The following IGFALS variants were observed in gnomAD, a reference collection of about 807,000 sequenced individuals.
The protein encoded by IGFALS is insulin-like growth factor-binding protein complex acid labile subunit.
In IGFALS, 2 loss-of-function variants were observed where a neutral mutation model predicts 2.6. The observed-to-expected ratio is 0.77, with a 90% CI of 0.32 to 2.44. The LOEUF is 2.44. Ranked by LOEUF, IGFALS falls within the 30% of genes most tolerant of loss-of-function variation. The pLI, the probability that IGFALS is intolerant of heterozygous loss-of-function variation, is 0.11. For missense variants in IGFALS, 996 were observed against 848.7 expected, an observed-to-expected ratio of 1.17 and a Z score of -2.16; for synonymous variants, 519 against 431.9, an observed-to-expected ratio of 1.20 and a Z score of -2.50.
chr16:1,791,828 C>T lies in IGFALS; in HGVS notation c.590G>A (p.Arg197His), dbSNP rs1230305405. ...CCTGTTGCCCGCCAGCACCAGCTCGCGCAGGCTGCCCAGGCCGCGGAACGC... is the reference window on the plus strand; with the variant it reads ...CCTGTTGCCCGCCAGCACCAGCTCGTGCAGGCTGCCCAGGCCGCGGAACGC... ...DAAFRGLGSL[R>H]ELVLAGNRLA... is the part of the protein sequence containing the mutation. Residue 197 changes from arginine to histidine, a missense_variant, in exon 2 of 2, where the codon CGC (arginine) becomes CAC (histidine). Arg to His is a conservative substitution (Grantham distance 29, BLOSUM62 0). Transcript: ENST00000215539. The T allele has an allele frequency of 6.5e-6, 10 of 1,549,630 alleles. No homozygotes were observed. The highest frequency in any genetic ancestry group is 2.4e-5 in the South Asian group (2 of 84,640).
In IGFALS at chr16:1,791,160, T is replaced by C; in HGVS notation, c.1258A>G (p.Asn420Asp). Residue 420 changes from asparagine (N) to aspartate (D), a missense_variant, in exon 2 of 2, where the codon AAC (asparagine) becomes GAC (aspartate). Asn to Asp is a conservative substitution (Grantham distance 23, BLOSUM62 1). Coordinates refer to ENST00000215539, the MANE Select transcript of IGFALS (RefSeq NM_004970.3). Reference sequence around the variant, plus strand: ...TGCTCCTCAATGCCCACGAGGCCGTTGTCCTTGAGGAAGAGTCGGCGGAGC... The same window carrying C: ...TGCTCCTCAATGCCCACGAGGCCGTCGTCCTTGAGGAAGAGTCGGCGGAGC... ...SGLRRLFLKDNGLVGIEEQSL... is the reference protein window; with the variant it reads ...SGLRRLFLKDDGLVGIEEQSL... 1.2e-6 allele frequency: 2 copies of C among 1,606,912 alleles called. No individual in the cohort carries two copies. Among genetic ancestry groups the C allele is most frequent in the Non-Finnish European group, 1.7e-6 (2 of 1,179,858 alleles).
upstream of IGFALS, among the ~76,000 whole-genome samples, chr16:1,794,401 G>A (rs1020709686): frequency 5.6e-4 from 85 of 152,140 alleles, 1 homozygote; most frequent in Admixed American, 2.0e-4. Context: ...GGGTGGCCTG[G>A]CCATGGGAGC....
chr16:1,792,277 G>A lies in IGFALS; in HGVS notation c.141C>T (p.Cys47=), dbSNP rs868694020. Residue 47 remains cysteine, a synonymous_variant, in exon 2 of 2, where the codon TGC becomes TGT. Coordinates refer to ENST00000215539, the MANE Select transcript of IGFALS (RefSeq NM_004970.3). ...EGPACPAACV[C]SYDDDADELS... Reference sequence around the variant, plus strand: ...GCTCATCCGCGTCGTCATCGTAGCTGCAGACACAGGCGGCCGGGCACGCTG... The same window carrying A: ...GCTCATCCGCGTCGTCATCGTAGCTACAGACACAGGCGGCCGGGCACGCTG... 6.2e-7 allele frequency: 1 copy of A among 1,600,234 alleles called. No individual in the cohort carries two copies. Among genetic ancestry groups the A allele is most frequent in the Non-Finnish European group, 8.5e-7 (1 of 1,179,582 alleles).
Position 1,793,664 on chromosome 16 carries a change from G to A in IGFALS, c.-12C>T, listed in dbSNP as rs1026935060. The A allele has an allele frequency of 1.3e-6, 2 of 1,593,360 alleles. No homozygotes were observed. Among genetic ancestry groups the A allele is most frequent in the East Asian group, 2.3e-5 (1 of 44,072 alleles). On this transcript the variant is annotated 5_prime_UTR_variant, in exon 1 of 2. Coordinates refer to ENST00000215539, the MANE Select transcript of IGFALS (RefSeq NM_004970.3). ...TTCCTCAGGGCCATCCTGCATGCAGGGCAGGCTGCAGGCAGGCAGCGAGGG... is the reference window on the plus strand; with the variant it reads ...TTCCTCAGGGCCATCCTGCATGCAGAGCAGGCTGCAGGCAGGCAGCGAGGG...
chr16:1,791,072 A>C lies in IGFALS; in HGVS notation c.1346T>G (p.Leu449Arg), dbSNP rs755495272. 4 of 1,598,934 alleles carry C rather than the reference A, an allele frequency of 2.5e-6. No individual in the cohort carries two copies. In the East Asian group the frequency reaches 8.9e-5, roughly 36 times the overall value. ...LDLTSNQLTH[L>R]PHRLFQGLGK... is the part of the protein sequence containing the mutation. ...CAGGCCCTGGAAGAGGCGGTGGGGC[A>C]GGTGCGTGAGCTGGTTGGAGGTCAG... Residue 449 changes from leucine to arginine, a missense_variant, in exon 2 of 2, where the codon CTG (leucine) becomes CGG (arginine). Physicochemically the swap from Leu to Arg is moderately radical, Grantham distance 102 (BLOSUM62 -2). Transcript: ENST00000215539.
In IGFALS at chr16:1,791,251, G is replaced by A; in HGVS notation, c.1167C>T (p.His389=). ...GGCAGCTGCCCTCCAGGTGCAGGCT[G>A]TGCAGCTTGCCCAGGCCCCGGAACA... is the stretch of plus-strand genomic sequence containing the variant. ...EQVFRGLGKL[H]SLHLEGSCLG... is the part of the protein sequence containing the mutation. The change falls in exon 2 of 2, where the codon CAC becomes CAT. Residue 389 remains histidine, a synonymous_variant. Coordinates refer to ENST00000215539, the MANE Select transcript of IGFALS (RefSeq NM_004970.3). 1.2e-6 allele frequency: 2 copies of A among 1,608,726 alleles called. No homozygotes were observed. Among genetic ancestry groups the A allele is most frequent in the East Asian group, 2.2e-5 (1 of 44,858 alleles).
At position 1,791,151 on chromosome 16, in the gene IGFALS, C is replaced by T. The variant is rs200564045; in HGVS notation, c.1267G>A (p.Val423Met). 1.7e-5 allele frequency: 27 copies of T among 1,606,290 alleles called. No homozygotes were observed. In the African/African-American group the frequency reaches 1.7e-4, roughly 10 times the overall value. ...RRLFLKDNGL[V>M]GIEEQSLWGL... ...CACAGGCTCTGCTCCTCAATGCCCA[C>T]GAGGCCGTTGTCCTTGAGGAAGAGT... The change falls in exon 2 of 2, where the codon GTG becomes ATG. Residue 423 changes from valine (V) to methionine (M), a missense_variant. Transcript: ENST00000215539.
upstream of IGFALS, chr16:1,793,738 T>C (rs373594518): frequency 7.2e-7 from 1 of 1,388,226 alleles, no homozygotes; most frequent in Non-Finnish European, 9.9e-7. Flanking sequence ...ATTTCCCCAC[T>C]GCGGGGCAGC....
chr16:1,790,490 G>A lies in IGFALS; in HGVS notation c.*110C>T, dbSNP rs576522908. The A allele has an allele frequency of 2.9e-5, 28 of 954,980 alleles. No homozygotes were observed. The highest frequency in any genetic ancestry group is 1.0e-4 in the Admixed American group (5 of 50,218). The allele number at this position is 954,980 out of a possible 1,614,324, so 59.2% of individuals were successfully genotyped here. ...GCCTTCCACCCCATCAGGCCCTTGC[G>A]TCTTCCAGCAAGTGCACTGGGCAGG... On this transcript the variant is annotated 3_prime_UTR_variant, in exon 2 of 2. Transcript: ENST00000215539.
At chr16:1,792,582 A>G (rs1311170460) in intron 1 of IGFALS, 181 bp from the exon 2 acceptor site, 5 of 1,205,670 alleles carry the variant, frequency 4.1e-6, no homozygotes, top group Admixed American at 2.9e-5. Flanking sequence ...TGCGCTTCCC[A>G]CCCCATGGGA....
Position 1,790,847 on chromosome 16 carries a change from T to C in IGFALS, c.1571A>G (p.Gln524Arg). Residue 524 changes from glutamine to arginine, a missense_variant, in exon 2 of 2, where the codon CAG becomes CGG. Physicochemically the swap from Gln to Arg is conservative, Grantham distance 43. Coordinates refer to ENST00000215539, the MANE Select transcript of IGFALS (RefSeq NM_004970.3). ...RNNSLRTFTP[Q>R]PPGLERLWLE... ...CCACAGGCGCTCCAGGCCCGGGGGC[T>C]GCGGCGTGAAGGTCCGCAGTGAGTT... The C allele has an allele frequency of 2.6e-6, 4 of 1,566,776 alleles. No individual in the cohort carries two copies. The highest frequency in any genetic ancestry group is 3.5e-6 in the Non-Finnish European group (4 of 1,156,868).
chr16:1,790,747 A>G lies in IGFALS; in HGVS notation c.1671T>C (p.Ala557=), dbSNP rs1193740481. ...AGATGGCCTGGACGAAGCGGGGCACAGCACTGGGGTTCTGCAGGGCGAAGT... is the reference window on the plus strand; with the variant it reads ...AGATGGCCTGGACGAAGCGGGGCACGGCACTGGGGTTCTGCAGGGCGAAGT... ...LRDFALQNPS[A]VPRFVQAICE... Residue 557 remains alanine, a synonymous_variant, in exon 2 of 2, where the codon GCT becomes GCC. Transcript: ENST00000215539. 7 of 1,603,482 alleles carry G rather than the reference A, an allele frequency of 4.4e-6. No individual in the cohort carries two copies. The highest frequency in any genetic ancestry group is 6.0e-6 in the Non-Finnish European group (7 of 1,176,046).
rs1897239690 is a variant in IGFALS, at chr16:1,792,006, C to T, written c.412G>A (p.Ala138Thr). Reference sequence around the variant, plus strand: ...GGCGTGTGTGCAAACGTGCCGAGTGCCAGGCTGCGCAGCTGGTTCCGCTCC... The same window carrying T: ...GGCGTGTGTGCAAACGTGCCGAGTGTCAGGCTGCGCAGCTGGTTCCGCTCC... ...HLERNQLRSLALGTFAHTPAL... is the reference protein window; with the variant it reads ...HLERNQLRSLTLGTFAHTPAL... Residue 138 changes from alanine to threonine, a missense_variant, in exon 2 of 2, where the codon GCA (alanine) becomes ACA (threonine). Transcript: ENST00000215539. 6.2e-7 allele frequency: 1 copy of T among 1,608,778 alleles called. No homozygotes were observed.
chr16:1,790,713 C>A lies in IGFALS; in HGVS notation c.1705G>T (p.Asp569Tyr). ...PRFVQAICEG[D>Y]DCQPPAYTYN... is the part of the protein sequence containing the mutation. The stretch of plus-strand genomic sequence containing the variant: ...GTGTACGCGGGCGGCTGGCAATCGT[C>A]CCCCTCACAGATGGCCTGGACGAAG... Residue 569 changes from aspartate (D) to tyrosine (Y), a missense_variant, in exon 2 of 2, where the codon GAC becomes TAC. Transcript: ENST00000215539. 1 of 1,608,776 alleles carries A rather than the reference C, an allele frequency of 6.2e-7. No individual in the cohort carries two copies. The highest frequency in any genetic ancestry group is 8.5e-7 in the Non-Finnish European group (1 of 1,178,342).
Position 1,791,756 on chromosome 16 carries a change from C to A in IGFALS, c.662G>T (p.Arg221Leu). The A allele has an allele frequency of 6.5e-7, 1 of 1,550,110 alleles. No homozygotes were observed. ...PALFSGLAELRELDLSRNALR... is the reference protein window; with the variant it reads ...PALFSGLAELLELDLSRNALR... ...CGCGTTCCTGCTCAGGTCCAGCTCC[C>A]GGAGCTCGGCCAGGCCGCTGAAGAG... Residue 221 changes from arginine (R) to leucine (L), a missense_variant, in exon 2 of 2, where the codon CGG (arginine) becomes CTG (leucine). Coordinates refer to ENST00000215539, the MANE Select transcript of IGFALS (RefSeq NM_004970.3).
intron 1 of IGFALS, 26 bp downstream of exon 1, chr16:1,793,611 G>T: frequency 6.3e-7 from 1 of 1,591,146 alleles, no homozygotes. Context: ...CCCTAGAGTG[G>T]GTGGCGGGGC....
chr16:1,792,644 C>T (rs1245066777), intron 1 of IGFALS: 1 of 627,636 alleles, frequency 1.6e-6, no homozygotes, highest in Non-Finnish European at 2.4e-6. Flanking sequence ...GCTTGGCTCT[C>T]CAGCTGTGCG....
chr16:1,790,708 A>G lies in IGFALS; in HGVS notation c.1710T>C (p.Asp570=). The G allele has an allele frequency of 6.2e-7, 1 of 1,608,766 alleles. No individual in the cohort carries two copies. Among genetic ancestry groups the G allele is most frequent in the South Asian group, 1.1e-5 (1 of 90,160 alleles). The change falls in exon 2 of 2, where the codon GAT becomes GAC. Residue 570 remains aspartate, a synonymous_variant. Coordinates refer to ENST00000215539, the MANE Select transcript of IGFALS (RefSeq NM_004970.3). ...RFVQAICEGD[D]CQPPAYTYNN... ...TGTAGGTGTACGCGGGCGGCTGGCA[A>G]TCGTCCCCCTCACAGATGGCCTGGA...
intron 1 of IGFALS, chr16:1,792,612 C>T: frequency 1.2e-6 from 1 of 868,452 alleles, no homozygotes; most frequent in Non-Finnish European, 1.6e-6. Flanking sequence ...GGCCGCCCCG[C>T]CCCGCTGCAC....
Sources: allele counts gnomAD v4.1 joint callset (sites outside exome capture counted in the v4.1 genomes callset), GRCh38; gene constraint gnomAD v4.1.1; transcripts MANE v1.5; gene names NCBI Gene and HGNC (gene_info 2026-07-23, HGNC 2026-07-21).